Variants in AFG2A observed in about 807,000 individuals in gnomAD.
AFG2A encodes the protein AAA ATPase AFG2A, also known as ATPase family gene 2 protein homolog A.
the AFG2A span, among the ~76,000 whole-genome samples, chr4:123,079,241 C>T: frequency 5.5e-4 from 83 of 152,260 alleles, no homozygotes; most frequent in Non-Finnish European, 1.1e-3. Context: ...CCTGCCATGC[C>T]ACAATGATCT....
the AFG2A span, among the ~76,000 whole-genome samples, chr4:123,208,108 A>G: frequency 1.3e-5 from 2 of 152,366 alleles, no homozygotes; most frequent in South Asian, 2.1e-4. Context: ...ATTAGAATTA[A>G]GAGTCTGGAA....
At chr4:123,177,731 C>T in the AFG2A span, among the ~76,000 whole-genome samples, 3 of 152,184 alleles carry the variant, frequency 2.0e-5, no homozygotes, top group Admixed American at 6.5e-5. Flanking sequence ...GCTCTTCCAA[C>T]GTGAATATGT....
At chr4:123,101,829 G>A in the AFG2A span, among the ~76,000 whole-genome samples, 121 of 151,998 alleles carry the variant, frequency 8.0e-4, no homozygotes, top group African/African-American at 2.7e-3. Flanking sequence ...AAATATGATA[G>A]GGGCCAGAGT....
the AFG2A span, among the ~76,000 whole-genome samples, chr4:123,164,369 AT>A: frequency 1.1e-5 from 1 of 95,128 alleles, no homozygotes; most frequent in African/African-American, 2.7e-5. Flanking sequence ...TTTTTGTTTT[AT>A]TTTTTGTTTT....
At chr4:123,260,737 G>A in the AFG2A span, among the ~76,000 whole-genome samples, 1 of 152,202 alleles carries the variant, frequency 6.6e-6, no homozygotes, top group Admixed American at 6.5e-5. Flanking sequence ...GGATTCTAAG[G>A]AAGGACCATT....
At chr4:123,157,222 C>T in the AFG2A span, among the ~76,000 whole-genome samples, 4 of 151,770 alleles carry the variant, frequency 2.6e-5, no homozygotes, top group African/African-American at 9.7e-5. Flanking sequence ...CAGGGTTTCA[C>T]CATGTTGGCC....
At chr4:123,180,976 C>A in the AFG2A span, among the ~76,000 whole-genome samples, 9 of 117,296 alleles carry the variant, frequency 7.7e-5, no homozygotes, top group Non-Finnish European at 1.2e-4. Flanking sequence ...CCTCCTCCCC[C>A]TCTTTTTTTT....
the AFG2A span, among the ~76,000 whole-genome samples, chr4:123,306,005 T>G: frequency 6.6e-6 from 1 of 152,216 alleles, no homozygotes; most frequent in African/African-American, 2.4e-5. Context: ...GCGGAGTTGC[T>G]TCCCCACACT....
chr4:122,973,784 G>T, the AFG2A span, among the ~76,000 whole-genome samples: 6 of 152,114 alleles, frequency 3.9e-5, no homozygotes, highest in Non-Finnish European at 8.8e-5. Flanking sequence ...TTGACTTCCT[G>T]GGCTCAAACA....
chr4:123,004,867 T>G, the AFG2A span, among the ~76,000 whole-genome samples: 221 of 152,334 alleles, frequency 1.5e-3, 2 homozygotes, highest in Non-Finnish European at 2.4e-4. Flanking sequence ...TTTGGAAGGC[T>G]TATGTAAATT....
At chr4:122,947,608 A>G in the AFG2A span, 1 of 1,252,638 alleles carries the variant, frequency 8.0e-7, no homozygotes. Flanking sequence ...TAATTATAAA[A>G]TGTGTAATTT....
chr4:123,315,056 A>G, the AFG2A span: 1 of 150,276 alleles, frequency 6.7e-6, no homozygotes, highest in Non-Finnish European at 1.5e-5. Flanking sequence ...ATACCTGGAG[A>G]GGTTTTGTGT....
At chr4:123,241,010 C>A in the AFG2A span, among the ~76,000 whole-genome samples, 1 of 152,144 alleles carries the variant, frequency 6.6e-6, no homozygotes, top group Non-Finnish European at 1.5e-5. Context: ...AACACCTTTA[C>A]TCAAATAAAC....
chr4:123,059,388 G>A, the AFG2A span, among the ~76,000 whole-genome samples: 1 of 146,186 alleles, frequency 6.8e-6, no homozygotes, highest in Non-Finnish European at 1.5e-5. Context: ...CCACCTATGA[G>A]TGAGAATATG....
the AFG2A span, among the ~76,000 whole-genome samples, chr4:123,195,029 T>G: frequency 6.6e-6 from 1 of 152,218 alleles, no homozygotes. Flanking sequence ...ATTACCCTCC[T>G]TGTTTCTTAA....
the AFG2A span, among the ~76,000 whole-genome samples, chr4:123,149,892 G>A: frequency 1.4e-5 from 2 of 140,122 alleles, no homozygotes; most frequent in African/African-American, 5.8e-5. Flanking sequence ...TGCAACCTCC[G>A]TCTCCTAGGA....
chr4:123,246,637 G>A, the AFG2A span, among the ~76,000 whole-genome samples: 1 of 152,018 alleles, frequency 6.6e-6, no homozygotes, highest in Non-Finnish European at 1.5e-5. Flanking sequence ...TGATACCACT[G>A]TCTGACTGCC....
At chr4:123,297,503 C>T in the AFG2A span, among the ~76,000 whole-genome samples, 3 of 152,140 alleles carry the variant, frequency 2.0e-5, no homozygotes, top group South Asian at 2.1e-4. Flanking sequence ...TGGCAGATCA[C>T]AAGGTCAGGA....
At chr4:123,266,103 T>C in the AFG2A span, among the ~76,000 whole-genome samples, 1 of 152,114 alleles carries the variant, frequency 6.6e-6, no homozygotes, top group Non-Finnish European at 1.5e-5. Context: ...TTATTTGAAG[T>C]GATGGAAGGC....
Sources: allele counts gnomAD v4.1 joint callset (sites outside exome capture counted in the v4.1 genomes callset), GRCh38; gene constraint gnomAD v4.1.1; transcripts MANE v1.5; gene names NCBI Gene and HGNC (gene_info 2026-07-23, HGNC 2026-07-21).